POFUT2: variants seen among roughly 807,000 people sequenced by gnomAD.
POFUT2 encodes the protein protein O-fucosyltransferase 2.
Under a neutral mutation model 55.0 loss-of-function variants are expected in POFUT2, and 30 were observed. That is an observed-to-expected ratio of 0.55 (90% CI 0.41 to 0.74). The LOEUF (loss-of-function observed/expected upper bound fraction) is 0.74. Among genes scored for constraint, POFUT2 ranks in the 30% least tolerant of loss-of-function variants. The pLI, the probability that POFUT2 is intolerant of heterozygous loss-of-function variation, is 0.00. For synonymous variants in POFUT2, 267 were observed against 231.1 expected (o/e 1.16, Z -1.41); for missense variants, 524 against 562.6 (o/e 0.93, Z 0.69).
In POFUT2 at chr21:45,267,230, G is replaced by A; in HGVS notation, c.1136+360C>T. On this transcript the variant is annotated intron_variant, in intron 8 of 8. Transcript: ENST00000349485. The surrounding 1 kb of genome is among the most constrained non-coding windows in gnomAD (Gnocchi z 4.4). ...CGGATGCTCAACAACACAGCAACAA[G>A]GACATGCCCAAGTCCAGGGCACGGG... 7.0e-7 allele frequency: 1 copy of A among 1,420,368 alleles called. No homozygotes were observed. The highest frequency in any genetic ancestry group is 1.5e-5 in the South Asian group (1 of 65,916). 88.0% of individuals were successfully genotyped at this position (1,420,368 alleles called of 1,614,324 possible).
In POFUT2 at chr21:45,267,270, GGGGGCAGACA is replaced by G. The variant is rs1569215416; in HGVS notation, c.1136+310_1136+319del. ...CAGGGCACGGGCAACTCTCAGGGCA[GGGGGCAGACA>G]GGGGCAGAAACCGGGAATGATGGGA... On this transcript the variant is annotated intron_variant, in intron 8 of 8. Transcript: ENST00000349485. This position sits in a 1 kb window ranked among gnomAD's most constrained non-coding sequence, Gnocchi z 4.4. The G allele has an allele frequency of 6.9e-7, 1 of 1,440,852 alleles. No individual in the cohort carries two copies. Among genetic ancestry groups the G allele is most frequent in the Non-Finnish European group, 9.1e-7 (1 of 1,103,514 alleles). 89.3% of individuals were successfully genotyped at this position (1,440,852 alleles called of 1,614,324 possible).
In POFUT2 at chr21:45,282,426, A is replaced by G; in HGVS notation, c.561T>C (p.Gly187=). The change falls in exon 4 of 9, where the codon GGT becomes GGC. Residue 187 remains glycine, a synonymous_variant. Transcript: ENST00000349485. This position sits in a 1 kb window ranked among gnomAD's most constrained non-coding sequence, Gnocchi z 4.6. ...GGACGGACAGACAGGAGACGTTTAG[A>G]CCCCTGGTCTCCTCATAACCCCAAA... The part of the protein sequence containing the change: ...GWFWGYEETR[G]LNVSCLSVQG... The G allele has an allele frequency of 6.2e-7, 1 of 1,611,954 alleles. No individual in the cohort carries two copies. Among genetic ancestry groups the G allele is most frequent in the South Asian group, 1.1e-5 (1 of 91,040 alleles).
chr21:45,279,195 T>C (rs1337908415), intron 4 of POFUT2, among the ~76,000 whole-genome samples: 1 of 144,356 alleles, frequency 6.9e-6, no homozygotes, highest in Non-Finnish European at 1.5e-5. Flanking sequence ...ATCGAGACCA[T>C]CCTGGCTAAG....
chr21:45,267,088 G>A lies in POFUT2; in HGVS notation c.1136+502C>T, dbSNP rs1406434979. The A allele has an allele frequency of 2.0e-5, 23 of 1,132,348 alleles. No homozygotes were observed. Among genetic ancestry groups the A allele is most frequent in the Non-Finnish European group, 2.3e-5 (21 of 917,980 alleles). 70.1% of individuals were successfully genotyped at this position (1,132,348 alleles called of 1,614,324 possible). The stretch of plus-strand genomic sequence containing the variant: ...CGCTCCCGGCCTCGGGGACGCTCAC[G>A]GCAGCCCCACAAGAACGATCACACG... On this transcript the variant is annotated intron_variant, in intron 8 of 8. Coordinates refer to ENST00000349485, the MANE Select transcript of POFUT2 (RefSeq NM_133635.6). The surrounding 1 kb of genome is among the most constrained non-coding windows in gnomAD (Gnocchi z 4.4).
chr21:45,283,380 C>T lies in POFUT2; in HGVS notation c.527+3G>A. On this transcript the variant is annotated splice_donor_region_variant and intron_variant, in intron 3 of 8. Coordinates refer to ENST00000349485, the MANE Select transcript of POFUT2 (RefSeq NM_133635.6). Reference sequence around the variant, plus strand: ...CGGCAGGGGGAGCAGCCTCAGCAGGCACCTGTAGTACTCGTGCTTGTCCTG... The same window carrying T: ...CGGCAGGGGGAGCAGCCTCAGCAGGTACCTGTAGTACTCGTGCTTGTCCTG... 6.2e-7 allele frequency: 1 copy of T among 1,600,786 alleles called. No homozygotes were observed.
rs2093165950 is a variant in POFUT2, at chr21:45,267,400, G to GA, written c.1136+189dup. On this transcript the variant is annotated intron_variant, in intron 8 of 8. Coordinates refer to ENST00000349485, the MANE Select transcript of POFUT2 (RefSeq NM_133635.6). The surrounding 1 kb of genome is among the most constrained non-coding windows in gnomAD (Gnocchi z 4.4). ...TGCATGAGAACTAAAGGGGCAAGAT[G>GA]AACAATTAACTTCAGCCCAGGGAAA... 2 of 1,603,684 alleles carry GA rather than the reference G, an allele frequency of 1.2e-6. No homozygotes were observed. Among genetic ancestry groups the GA allele is most frequent in the South Asian group, 2.2e-5 (2 of 90,228 alleles).
intron 6 of POFUT2, among the ~76,000 whole-genome samples, chr21:45,274,526 A>G (rs1225089986): frequency 2.0e-5 from 3 of 152,250 alleles, no homozygotes; most frequent in Non-Finnish European, 4.4e-5. Flanking sequence ...AGCAAAAAGT[A>G]CAAATCTGGA....
rs1248475583 is a variant in POFUT2, at chr21:45,264,018, A to C, written c.*1464T>G. The C allele has an allele frequency of 6.6e-6, 1 of 152,310 alleles. No homozygotes were observed. The highest frequency in any genetic ancestry group is 1.5e-5 in the Non-Finnish European group (1 of 68,072). 9.4% of individuals were successfully genotyped at this position (152,310 alleles called of 1,614,324 possible). Reference sequence around the variant, plus strand: ...TTTTATACAGCTCTCAGCCTGGAAAATGCAACTGATGAAAAAGGCACTGTT... The same window carrying C: ...TTTTATACAGCTCTCAGCCTGGAAACTGCAACTGATGAAAAAGGCACTGTT... On this transcript the variant is annotated 3_prime_UTR_variant, in exon 9 of 9. Transcript: ENST00000349485.
intron 7 of POFUT2, 32 bp downstream of exon 7, chr21:45,269,807 A>G: frequency 1.9e-6 from 3 of 1,570,680 alleles, no homozygotes; most frequent in Non-Finnish European, 1.7e-6. Flanking sequence ...ATTAAAAGAA[A>G]GGAAAGAAAC....
chr21:45,272,143 G>A (rs2093224213), intron 6 of POFUT2, among the ~76,000 whole-genome samples: 1 of 152,120 alleles, frequency 6.6e-6, no homozygotes, highest in Non-Finnish European at 1.5e-5. Context: ...TGAAAGCTGT[G>A]AGGCAAAAGT....
In POFUT2 at chr21:45,269,910, C is replaced by A. The variant is rs551859239; in HGVS notation, c.941G>T (p.Arg314Met). ...QDVPSLEGAV[R>M]KIRSLMKTHR... ...GGTCTTCATGAGGCTGCGGATCTTC[C>A]TCACGGCCCCTTCCAGACTGGGTAC... Residue 314 changes from arginine (R) to methionine (M), a missense_variant, in exon 7 of 9, where the codon AGG becomes ATG. By Grantham distance (91) the Arg-to-Met change is moderately conservative. Around this residue, in one of 2 missense-constraint regions of POFUT2, gnomAD observed 250 missense variants for 318.2 expected, o/e 0.79. Transcript: ENST00000349485. 3 of 1,610,540 alleles carry A rather than the reference C, an allele frequency of 1.9e-6. No homozygotes were observed. The African/African-American group carries it at 4.0e-5, about 22-fold the overall frequency.
At position 45,269,942 on chromosome 21, in the gene POFUT2, T is replaced by C. The variant is rs749431261; in HGVS notation, c.909A>G (p.Arg303=). 6.2e-7 allele frequency: 1 copy of C among 1,603,256 alleles called. No individual in the cohort carries two copies. The highest frequency in any genetic ancestry group is 8.5e-7 in the Non-Finnish European group (1 of 1,176,482). Residue 303 remains arginine (R), a synonymous_variant, in exon 7 of 9, where the codon AGA becomes AGG. Coordinates refer to ENST00000349485, the MANE Select transcript of POFUT2 (RefSeq NM_133635.6). The part of the protein sequence containing the change: ...LRRKDFIWGH[R]QDVPSLEGAV... ...CCCCTTCCAGACTGGGTACATCCTG[T>C]CTGTGACCCCAGATGAAATCTTTTC...
In POFUT2 at chr21:45,269,937, TC is replaced by T; in HGVS notation, c.913del (p.Asp305MetfsTer9). On this transcript the variant is annotated frameshift_variant, in exon 7 of 9. Coordinates refer to ENST00000349485, the MANE Select transcript of POFUT2 (RefSeq NM_133635.6). LOFTEE classifies it high-confidence loss of function. ...RKDFIWGHRQ[D>X]VPSLEGAVRK... Reference sequence around the variant, plus strand: ...CACGGCCCCTTCCAGACTGGGTACATCCTGTCTGTGACCCCAGATGAAATCT... The same window carrying T: ...CACGGCCCCTTCCAGACTGGGTACATCTGTCTGTGACCCCAGATGAAATCT... 1 of 1,606,156 alleles carries T rather than the reference TC, an allele frequency of 6.2e-7. No individual in the cohort carries two copies.
chr21:45,283,240 C>CG, intron 3 of POFUT2, 143 bp downstream of exon 3: 1 of 418,154 alleles, frequency 2.4e-6, no homozygotes. Context: ...CGGGGGGAGG[C>CG]GGGGTGCTGC....
In POFUT2 at chr21:45,286,061, G is replaced by A. The variant is rs1247794444; in HGVS notation, c.132-133C>T. ...ATGGTTCCTAGTTTGTGAAGGCAGT[G>A]AGTGGCCTGTTTCTCTATGACCAGT... On this transcript the variant is annotated intron_variant, in intron 1 of 8. Coordinates refer to ENST00000349485, the MANE Select transcript of POFUT2 (RefSeq NM_133635.6). The A allele has an allele frequency of 8.2e-6, 6 of 731,244 alleles. No homozygotes were observed. In the East Asian group the frequency reaches 1.3e-4, roughly 16 times the overall value. 45.3% of individuals were successfully genotyped at this position (731,244 alleles called of 1,614,324 possible).
Position 45,265,408 on chromosome 21 carries a change from G to A in POFUT2, c.*74C>T, listed in dbSNP as rs374080840. 2.9e-4 allele frequency: 401 copies of A among 1,383,460 alleles called. 2 individuals are homozygous for A. In the Middle Eastern group the frequency reaches 3.1e-3, roughly 11 times the overall value. The allele number at this position is 1,383,460 out of a possible 1,614,324, so 85.7% of individuals were successfully genotyped here. On this transcript the variant is annotated 3_prime_UTR_variant, in exon 9 of 9. Coordinates refer to ENST00000349485, the MANE Select transcript of POFUT2 (RefSeq NM_133635.6). The surrounding 1 kb of genome is among the most constrained non-coding windows in gnomAD (Gnocchi z 4.6). ...GCCCAGCTCCCGGCTGGCAGTAGAC[G>A]GTGACTCCACGGCGACAGAACCTGC...
Position 45,268,889 on chromosome 21 carries a change from C to T in POFUT2, c.1012+950G>A, listed in dbSNP as rs866377157. Among the ~76,000 whole-genome samples the T allele has an allele frequency of 4.5e-4, 43 of 96,148 alleles. 1 individual carries two copies. The highest frequency in any genetic ancestry group is 6.8e-3 in the Middle Eastern group (1 of 148). The allele number at this position is 96,148 out of a possible 152,430, so 63.1% of individuals were successfully genotyped here. A position where few individuals can be genotyped will look rare whatever the true frequency, so the allele number is the denominator to read the frequency against. ...GGGGTCAGCACCCCGGGCGGCCAGC[C>T]GCCCCGTCCGGGAGGGAGGTGGGGG... On this transcript the variant is annotated intron_variant, in intron 7 of 8. Transcript: ENST00000349485.
intron 6 of POFUT2, among the ~76,000 whole-genome samples, chr21:45,274,810 T>C (rs780031438): frequency 2.0e-5 from 3 of 152,182 alleles, no homozygotes; most frequent in Non-Finnish European, 4.4e-5. Flanking sequence ...GACTTAAATC[T>C]AAGACCTGAA....
In POFUT2 at chr21:45,284,203, C is replaced by T. The variant is rs2031112148; in HGVS notation, c.383-676G>A. Among the ~76,000 whole-genome samples, 1 of 151,674 alleles carries T rather than the reference C, an allele frequency of 6.6e-6. No individual in the cohort carries two copies. The highest frequency in any genetic ancestry group is 2.4e-5 in the African/African-American group (1 of 41,274). The stretch of plus-strand genomic sequence containing the variant: ...GTGAAATTCTGGGGCAGGAACAAAG[C>T]GGGAGGGAGCATCGCGCAGGTGAAG... On this transcript the variant is annotated intron_variant, in intron 2 of 8. Transcript: ENST00000349485. This position sits in a 1 kb window ranked among gnomAD's most constrained non-coding sequence, Gnocchi z 5.8.
Sources: gnomAD v4.1 joint callset for allele counts (sites outside exome capture counted in the v4.1 genomes callset) on GRCh38, gnomAD v4.1.1 for gene constraint, gnomAD v4.1.1 regional missense constraint, Gnocchi (gnomAD v3.1) non-coding constraint, MANE v1.5 for transcripts, NCBI Gene and HGNC (gene_info 2026-07-23, HGNC 2026-07-21) for gene names.